FAM185A: variants seen among roughly 807,000 people sequenced by gnomAD.
FAM185A encodes protein FAM185A.
In FAM185A, 21 loss-of-function variants were observed where a neutral mutation model predicts 45.7. The observed-to-expected ratio is 0.46, with a 90% confidence interval of 0.33 to 0.66. FAM185A has a LOEUF of 0.66. Among genes scored for constraint, FAM185A ranks in the 30% least tolerant of loss-of-function variants. FAM185A has a pLI of 0.03. For synonymous variants in FAM185A, 117 were observed against 194.0 expected (o/e 0.60, Z 3.30); for missense variants, 305 against 485.4 (o/e 0.63, Z 3.49).
the FAM185A span, among the ~76,000 whole-genome samples, chr7:102,843,115 G>T: frequency 6.6e-6 from 1 of 152,190 alleles, no homozygotes; most frequent in Non-Finnish European, 1.5e-5. Context: ...TATCATAAAA[G>T]GTTATGAAGA....
chr7:102,831,383 A>C, the FAM185A span, among the ~76,000 whole-genome samples: 1 of 146,560 alleles, frequency 6.8e-6, no homozygotes, highest in Non-Finnish European at 1.5e-5. Flanking sequence ...TTAAACATCT[A>C]CAGTGCCCGG....
intron 1 of FAM185A, 121 bp from the exon 2 acceptor site, chr7:102,751,571 A>T: frequency 3.3e-6 from 4 of 1,217,500 alleles, no homozygotes; most frequent in Non-Finnish European, 4.4e-6. Context: ...CCTTTACAGT[A>T]TGCACTTTCC....
At chr7:102,814,505 A>G in the FAM185A span, 1 of 152,250 alleles carries the variant, frequency 6.6e-6, no homozygotes, top group South Asian at 2.1e-4. Flanking sequence ...ATGCTATTTC[A>G]GTTAAATCAA....
At chr7:102,837,147 A>G in the FAM185A span, among the ~76,000 whole-genome samples, 1 of 152,230 alleles carries the variant, frequency 6.6e-6, no homozygotes, top group Non-Finnish European at 1.5e-5. Context: ...ATGGAGAGCT[A>G]CACTCCACCA....
chr7:102,818,297 G>A, the FAM185A span, among the ~76,000 whole-genome samples: 1 of 152,194 alleles, frequency 6.6e-6, no homozygotes, highest in East Asian at 1.9e-4. Context: ...GAGCAGCACA[G>A]TATGATTAAG....
chr7:102,807,984 C>A (rs374029766), intron 7 of FAM185A, among the ~76,000 whole-genome samples: 1 of 152,170 alleles, frequency 6.6e-6, no homozygotes, highest in African/African-American at 2.4e-5. Flanking sequence ...CCGCTTGAAC[C>A]CAGGAGGCAG....
chr7:102,843,640 G>A, the FAM185A span, among the ~76,000 whole-genome samples: 1 of 151,956 alleles, frequency 6.6e-6, no homozygotes, highest in Non-Finnish European at 1.5e-5. Context: ...GCCAGACATG[G>A]TCGTGGGCAC....
the FAM185A span, among the ~76,000 whole-genome samples, chr7:102,836,755 G>C: frequency 6.6e-6 from 1 of 152,176 alleles, no homozygotes; most frequent in Non-Finnish European, 1.5e-5. Flanking sequence ...CCTAAATAGG[G>C]TACGTAGAGG....
chr7:102,773,102 G>A (rs62484887), intron 5 of FAM185A, among the ~76,000 whole-genome samples: 1 of 147,080 alleles, frequency 6.8e-6, no homozygotes, highest in African/African-American at 2.5e-5. Context: ...TCTGGAGAGG[G>A]TACATTTAAA....
chr7:102,770,821 C>T (rs1794701823), intron 4 of FAM185A, among the ~76,000 whole-genome samples: 1 of 152,140 alleles, frequency 6.6e-6, no homozygotes, highest in Non-Finnish European at 1.5e-5. Flanking sequence ...GAACTTAAAA[C>T]AGAACCACCA....
At chr7:102,833,711 C>G in the FAM185A span, among the ~76,000 whole-genome samples, 2 of 152,066 alleles carry the variant, frequency 1.3e-5, no homozygotes, top group Middle Eastern at 3.4e-3. Flanking sequence ...GCATGAGCCA[C>G]TGTGCCCAGC....
the FAM185A span, among the ~76,000 whole-genome samples, chr7:102,843,153 C>A: frequency 1.3e-5 from 2 of 152,108 alleles, no homozygotes; most frequent in Non-Finnish European, 2.9e-5. Context: ...TATGTTATTT[C>A]AAGTGGTAGG....
At chr7:102,761,432 T>G in intron 4 of FAM185A, 21 bp downstream of exon 4, 1 of 1,483,226 alleles carries the variant, frequency 6.7e-7, no homozygotes, top group Non-Finnish European at 9.0e-7. Flanking sequence ...AAAGGCATAA[T>G]ACATCTGAGA....
chr7:102,833,682 C>T, the FAM185A span, among the ~76,000 whole-genome samples: 344 of 151,704 alleles, frequency 2.3e-3, 2 homozygotes, highest in African/African-American at 7.9e-3. Flanking sequence ...TCCACCCTCC[C>T]AAAGTGCTGG....
chr7:102,780,773 G>C (rs1795352937), intron 6 of FAM185A, among the ~76,000 whole-genome samples: 1 of 152,208 alleles, frequency 6.6e-6, no homozygotes, highest in South Asian at 2.1e-4. Context: ...TCCCACTGAG[G>C]TACCAGGTTC....
intron 6 of FAM185A, among the ~76,000 whole-genome samples, chr7:102,782,274 C>A (rs1200809269): frequency 6.6e-6 from 1 of 152,192 alleles, no homozygotes; most frequent in Non-Finnish European, 1.5e-5. Flanking sequence ...GGCAGGCCAA[C>A]ATTCAGATTG....
intron 5 of FAM185A, among the ~76,000 whole-genome samples, chr7:102,776,099 T>TACACACACACACACACATATAC (rs1360377462): frequency 3.8e-5 from 4 of 106,660 alleles, no homozygotes; most frequent in African/African-American, 5.2e-5. Flanking sequence ...TTGGCTCCTA[T>TACACACACACACACACATATAC]ACACACACAC....
chr7:102,840,575 T>C, the FAM185A span, among the ~76,000 whole-genome samples: 2 of 152,238 alleles, frequency 1.3e-5, no homozygotes, highest in African/African-American at 4.8e-5. Flanking sequence ...TAATGTTTAC[T>C]GTAAGGACAG....
chr7:102,757,249 C>T (rs1049944161), intron 2 of FAM185A, among the ~76,000 whole-genome samples: 2 of 151,732 alleles, frequency 1.3e-5, no homozygotes, highest in African/African-American at 4.8e-5. Flanking sequence ...ACCGGTCCAG[C>T]GTTAAGAGTG....
Sources: allele counts gnomAD v4.1 joint callset (sites outside exome capture counted in the v4.1 genomes callset), GRCh38; gene constraint gnomAD v4.1.1; transcripts MANE v1.5; gene names NCBI Gene and HGNC (gene_info 2026-07-23, HGNC 2026-07-21).